Variants in RAD51B observed in about 807,000 individuals in gnomAD.
RAD51B encodes DNA repair protein RAD51 homolog 2.
In RAD51B, 38 loss-of-function variants were observed where a neutral mutation model predicts 42.2. The ratio of observed to expected loss-of-function variants is 0.90; its 90% CI spans 0.70 to 1.18. RAD51B has a LOEUF of 1.18. RAD51B is among the 50% of genes most tolerant of loss of function. The pLI is 0.00. For missense variants in RAD51B, 373 were observed against 400.7 expected (o/e 0.93, Z 0.59); for synonymous variants, 154 against 145.2 (o/e 1.06, Z -0.43).
At chr14:68,062,686 G>A (rs537723528) in intron 7 of RAD51B, among the ~76,000 whole-genome samples, 3 of 151,904 alleles carry the variant, frequency 2.0e-5, no homozygotes, top group Non-Finnish European at 2.9e-5. Context: ...ACAGGCACCT[G>A]TAATCCTAGC....
chr14:67,910,523 C>G (rs932833044), intron 7 of RAD51B, among the ~76,000 whole-genome samples: 1 of 145,812 alleles, frequency 6.9e-6, no homozygotes, highest in African/African-American at 2.5e-5. Context: ...AACTAAATTA[C>G]TGCTATTCCA....
intron 7 of RAD51B, among the ~76,000 whole-genome samples, chr14:68,101,224 G>T (rs1021973526): frequency 6.6e-6 from 1 of 152,186 alleles, no homozygotes; most frequent in African/African-American, 2.4e-5. Context: ...AGATTTGGGT[G>T]GGGCACGGCC....
chr14:68,466,524 C>T (rs965890706), intron 9 of RAD51B, among the ~76,000 whole-genome samples: 5 of 152,298 alleles, frequency 3.3e-5, no homozygotes, highest in East Asian at 1.9e-4. Flanking sequence ...CTGGTGACCC[C>T]GAGTGGGAGA....
intron 7 of RAD51B, among the ~76,000 whole-genome samples, chr14:68,159,494 C>T (rs1276099262): frequency 6.6e-6 from 1 of 151,866 alleles, no homozygotes; most frequent in East Asian, 1.9e-4. Flanking sequence ...ATGGCGTGTG[C>T]CTGTAATCCC....
rs1325345571 is a variant in RAD51B, at chr14:68,338,883, A to T, written c.853+46903A>T. 16 of 639,318 alleles carry T rather than the reference A, an allele frequency of 2.5e-5. No homozygotes were observed. In the Admixed American group the frequency reaches 2.6e-4, roughly 10 times the overall value. The allele number at this position is 639,318 out of a possible 1,614,324, so 39.6% of individuals were successfully genotyped here. A position where few individuals can be genotyped will look rare whatever the true frequency, so the allele number is the denominator to read the frequency against. The stretch of plus-strand genomic sequence containing the variant: ...CCTGATAGCTTCCACCAGCTTAGCC[A>T]AAGCTCCTTTGTCTTCCGAGTTAAC... On this transcript the variant is annotated intron_variant, in intron 8 of 10. Transcript: ENST00000471583.
chr14:68,505,013 G>A (rs1885205701), intron 10 of RAD51B, among the ~76,000 whole-genome samples: 1 of 152,190 alleles, frequency 6.6e-6, no homozygotes, highest in Non-Finnish European at 1.5e-5. Flanking sequence ...GTAAAACTCA[G>A]GCGAATTTGA....
intron 7 of RAD51B, among the ~76,000 whole-genome samples, chr14:68,063,091 C>T (rs1209365688): frequency 6.6e-6 from 1 of 151,860 alleles, no homozygotes; most frequent in Non-Finnish European, 1.5e-5. Flanking sequence ...TGTAATGTCT[C>T]CATTTTTTAT....
intron 10 of RAD51B, among the ~76,000 whole-genome samples, chr14:68,524,833 C>T (rs543328852): frequency 3.3e-5 from 5 of 152,344 alleles, no homozygotes; most frequent in East Asian, 1.9e-4. Context: ...AGGTCTCCAA[C>T]GATTTCTCTC....
chr14:67,850,469 AG>A (rs2139941707), intron 4 of RAD51B, among the ~76,000 whole-genome samples: 1 of 152,060 alleles, frequency 6.6e-6, no homozygotes, highest in East Asian at 1.9e-4. Context: ...TTCTGGCAGC[AG>A]GTTGTATATT....
intron 7 of RAD51B, among the ~76,000 whole-genome samples, chr14:68,173,521 G>C (rs1050395428): frequency 6.6e-6 from 1 of 152,204 alleles, no homozygotes; most frequent in East Asian, 1.9e-4. Context: ...TGACAAGAAC[G>C]AGTGACTATT....
At chr14:68,594,379 C>T (rs117388328) in intron 10 of RAD51B, 2 of 1,098,314 alleles carry the variant, frequency 1.8e-6, no homozygotes, top group East Asian at 9.6e-5. Flanking sequence ...ACCCCTTGAA[C>T]TCTCCATCAG....
intron 8 of RAD51B, among the ~76,000 whole-genome samples, chr14:68,371,654 G>A (rs1752440983): frequency 6.6e-6 from 1 of 152,124 alleles, no homozygotes; most frequent in South Asian, 2.1e-4. Flanking sequence ...CAGTTACCTG[G>A]GCAACAAACA....
chr14:68,410,875 A>G (rs2084397370), intron 8 of RAD51B, among the ~76,000 whole-genome samples: 1 of 151,766 alleles, frequency 6.6e-6, no homozygotes, highest in South Asian at 2.1e-4. Flanking sequence ...TGGAATAGGG[A>G]TGTCTAAAAC....
chr14:68,522,273 G>A (rs1344095379), intron 10 of RAD51B, among the ~76,000 whole-genome samples: 2 of 152,210 alleles, frequency 1.3e-5, no homozygotes, highest in African/African-American at 4.8e-5. Context: ...TCAAAGCCCT[G>A]GTTGCTGATT....
intron 11 of RAD51B, among the ~76,000 whole-genome samples, chr14:68,670,728 A>C (rs1333210217): frequency 6.6e-6 from 1 of 152,240 alleles, no homozygotes; most frequent in African/African-American, 2.4e-5. Context: ...TGCTTCAGGC[A>C]ACAATGGAAA....
downstream of RAD51B, among the ~76,000 whole-genome samples, chr14:68,613,807 G>T (rs554958229): frequency 4.6e-5 from 7 of 152,168 alleles, no homozygotes; most frequent in African/African-American, 1.2e-4. Context: ...GGGAGGGCGA[G>T]TGGCAGCCCA....
At chr14:68,125,748 TG>T (rs1203987123) in intron 7 of RAD51B, among the ~76,000 whole-genome samples, 1 of 144,978 alleles carries the variant, frequency 6.9e-6, no homozygotes, top group African/African-American at 2.9e-5. Context: ...GTTTTTGTTT[TG>T]TTTTGTTTTG....
At chr14:67,823,118 C>T (rs2040691087) in intron 1 of RAD51B, among the ~76,000 whole-genome samples, 1 of 152,150 alleles carries the variant, frequency 6.6e-6, no homozygotes, top group South Asian at 2.1e-4. Flanking sequence ...CGTTACAGTG[C>T]AATGTAAATT....
chr14:68,601,242 G>C (rs982050583), intron 10 of RAD51B, among the ~76,000 whole-genome samples: 1 of 151,788 alleles, frequency 6.6e-6, no homozygotes, highest in Admixed American at 6.6e-5. Flanking sequence ...TTTTTTTGGT[G>C]GGGGGGTGGG....
Sources: allele counts gnomAD v4.1 joint callset (sites outside exome capture counted in the v4.1 genomes callset), GRCh38; gene constraint gnomAD v4.1.1; transcripts MANE v1.5; gene names NCBI Gene and HGNC (gene_info 2026-07-23, HGNC 2026-07-21).